The following PUM3 variants were observed in gnomAD, a reference collection of about 807,000 sequenced individuals.
PUM3 encodes pumilio homolog 3.
Under a neutral mutation model 84.0 loss-of-function variants are expected in PUM3, and 91 were observed. The ratio of observed to expected loss-of-function variants is 1.08; its 90% CI spans 0.91 to 1.29. The LOEUF (loss-of-function observed/expected upper bound fraction) is 1.29. Among genes scored for constraint, PUM3 ranks in the 50% most tolerant of loss-of-function variants. PUM3 has a pLI of 0.00. For synonymous variants in PUM3, 321 were observed against 266.7 expected (o/e 1.20, Z -1.98); for missense variants, 1,067 against 767.5 (o/e 1.39, Z -4.61).
chr9:2,821,520 A>C (rs1293430179), intron 12 of PUM3, among the ~76,000 whole-genome samples: 2 of 151,312 alleles, frequency 1.3e-5, no homozygotes, highest in African/African-American at 2.4e-5. Context: ...AAATGTATGA[A>C]ATAATGCTTT....
chr9:2,834,776 T>C (rs762530951), intron 3 of PUM3, among the ~76,000 whole-genome samples: 2 of 152,142 alleles, frequency 1.3e-5, no homozygotes, highest in African/African-American at 2.4e-5. Context: ...GTCATGACAA[T>C]GAACAACCAA....
chr9:2,808,005 A>G, intron 16 of PUM3, 101 bp from the exon 17 acceptor site: 1 of 707,356 alleles, frequency 1.4e-6, no homozygotes, highest in South Asian at 1.9e-5. Flanking sequence ...TTTAAACAAA[A>G]AAGCTAACAA....
intron 12 of PUM3, among the ~76,000 whole-genome samples, chr9:2,822,028 A>G (rs972870293): frequency 6.6e-6 from 1 of 152,212 alleles, no homozygotes; most frequent in African/African-American, 2.4e-5. Flanking sequence ...GCCTAGTACA[A>G]AATCACTGGT....
rs1182062588 is a variant in PUM3, at chr9:2,824,802, G to A, written c.1049C>T (p.Ala350Val). 1 of 1,567,248 alleles carries A rather than the reference G, an allele frequency of 6.4e-7. No individual in the cohort carries two copies. Among genetic ancestry groups the A allele is most frequent in the Admixed American group, 1.7e-5 (1 of 57,406 alleles). ...PPKLRSEMIEAIREAVVYLAH... is the reference protein window; with the variant it reads ...PPKLRSEMIEVIREAVVYLAH... ...CAGGTAGACCACCGCTTCGCGGATG[G>A]CTTCAATCATTTCCTAGGGAACAAA... The change falls in exon 11 of 18, where the codon GCC becomes GTC. Residue 350 changes from alanine to valine, a missense_variant. Transcript: ENST00000397885.
At chr9:2,832,322 G>A (rs1816004908) in intron 5 of PUM3, among the ~76,000 whole-genome samples, 1 of 152,056 alleles carries the variant, frequency 6.6e-6, no homozygotes, top group Admixed American at 6.6e-5. Flanking sequence ...TACAGATGAG[G>A]GAAGTAAGGT....
chr9:2,809,159 T>C (rs913448157), intron 16 of PUM3, among the ~76,000 whole-genome samples: 4 of 152,176 alleles, frequency 2.6e-5, no homozygotes, highest in African/African-American at 7.2e-5. Context: ...GATCAAGTCA[T>C]TGTTTTGAAA....
chr9:2,833,343 T>A lies in PUM3; in HGVS notation c.516+14A>T. 1 of 1,433,114 alleles carries A rather than the reference T, an allele frequency of 7.0e-7. No individual in the cohort carries two copies. The highest frequency in any genetic ancestry group is 9.8e-7 in the Non-Finnish European group (1 of 1,020,548). 88.8% of individuals were successfully genotyped at this position (1,433,114 alleles called of 1,614,324 possible). On this transcript the variant is annotated intron_variant, in intron 5 of 17. Coordinates refer to ENST00000397885, the MANE Select transcript of PUM3 (RefSeq NM_014878.5). Reference sequence around the variant, plus strand: ...AACTGTTAAAAATTGCAACAATGAGTATATGCTACTTACAGTTTTAATTTT... The same window carrying A: ...AACTGTTAAAAATTGCAACAATGAGAATATGCTACTTACAGTTTTAATTTT...
At chr9:2,809,326 G>A (rs189408202) in intron 16 of PUM3, among the ~76,000 whole-genome samples, 45 of 152,058 alleles carry the variant, frequency 3.0e-4, no homozygotes, top group African/African-American at 1.1e-3. Context: ...TAATTAAGAG[G>A]GAGAAAAACC....
At chr9:2,810,319 G>A (rs1299128855) in intron 16 of PUM3, 25 bp downstream of exon 16, 4 of 1,475,400 alleles carry the variant, frequency 2.7e-6, no homozygotes, top group African/African-American at 1.4e-5. Flanking sequence ...TGAGATACAA[G>A]AAAAGGTCAA....
chr9:2,831,395 C>G (rs767291074), intron 5 of PUM3, 51 bp from the exon 6 acceptor site: 1 of 1,167,976 alleles, frequency 8.6e-7, no homozygotes, highest in South Asian at 1.3e-5. Context: ...ACTTATGTTT[C>G]TCACTAATTT....
intron 10 of PUM3, among the ~76,000 whole-genome samples, chr9:2,826,812 C>T (rs896843998): frequency 6.6e-6 from 1 of 151,982 alleles, no homozygotes; most frequent in Non-Finnish European, 1.5e-5. Flanking sequence ...ATTAGGTTAG[C>T]CAGCGGATAC....
chr9:2,822,488 C>T (rs1042856862), intron 12 of PUM3, among the ~76,000 whole-genome samples: 11 of 151,472 alleles, frequency 7.3e-5, no homozygotes, highest in Middle Eastern at 3.2e-3. Context: ...AGTAACTCTT[C>T]GAGATTTAAA....
rs1021299162 is a variant in PUM3, at chr9:2,817,343, T to C, written c.1269+2675A>G. Among the ~76,000 whole-genome samples, 4 of 152,176 alleles carry C rather than the reference T, an allele frequency of 2.6e-5. No homozygotes were observed. In the East Asian group the frequency reaches 5.8e-4, roughly 22 times the overall value. On this transcript the variant is annotated intron_variant, in intron 13 of 17. Transcript: ENST00000397885. ...TCAGCCTATAGCCTGTTTTTGTCCA[T>C]CTTGCAAGCTAATAATGGTTTTTAC...
intron 12 of PUM3, among the ~76,000 whole-genome samples, chr9:2,820,551 G>C (rs989827913): frequency 1.3e-5 from 2 of 151,598 alleles, no homozygotes; most frequent in African/African-American, 4.8e-5. Context: ...ACACACACAC[G>C]ATATACATAA....
At chr9:2,815,863 T>C (rs1354566731) in intron 13 of PUM3, among the ~76,000 whole-genome samples, 1 of 152,230 alleles carries the variant, frequency 6.6e-6, no homozygotes, top group Non-Finnish European at 1.5e-5. Flanking sequence ...AATTTCTTCT[T>C]AAGCTCTAAA....
chr9:2,821,644 C>T (rs76876238), intron 12 of PUM3, among the ~76,000 whole-genome samples: 1,670 of 152,114 alleles, frequency 0.011, 23 homozygotes, highest in African/African-American at 0.038. Flanking sequence ...AAAGCAGGCA[C>T]GCTTTTATGT....
chr9:2,820,697 A>G (rs866631793), intron 12 of PUM3, among the ~76,000 whole-genome samples: 10 of 152,184 alleles, frequency 6.6e-5, no homozygotes, highest in Admixed American at 3.9e-4. Flanking sequence ...TATAAATATG[A>G]AAAAATAAAC....
In PUM3 at chr9:2,828,835, G is replaced by A. The variant is rs116717842; in HGVS notation, c.853-57C>T. The A allele has an allele frequency of 7.4e-3, 7,273 of 977,488 alleles. 223 individuals are homozygous for A. The African/African-American group carries it at 0.082, about 11-fold the overall frequency. The allele number at this position is 977,488 out of a possible 1,614,324, so 60.6% of individuals were successfully genotyped here. A position where few individuals can be genotyped will look rare whatever the true frequency, so the allele number is the denominator to read the frequency against. On this transcript the variant is annotated intron_variant, in intron 8 of 17. Transcript: ENST00000397885. ...AAATTTAATCAATTTTTTCACTTCA[G>A]GAAAAAGAAAAGTAATTAGTCATTT...
At chr9:2,841,310 T>C (rs576772345) in intron 1 of PUM3, among the ~76,000 whole-genome samples, 2 of 152,328 alleles carry the variant, frequency 1.3e-5, no homozygotes, top group African/African-American at 2.4e-5. Flanking sequence ...GAGGCTTGCA[T>C]GGTGGCTCAC....
Sources: allele counts gnomAD v4.1 joint callset (sites outside exome capture counted in the v4.1 genomes callset), GRCh38; gene constraint gnomAD v4.1.1; transcripts MANE v1.5; gene names NCBI Gene and HGNC (gene_info 2026-07-23, HGNC 2026-07-21).